The following RBBP5 variants were observed in gnomAD, a reference collection of about 807,000 sequenced individuals.
The protein encoded by RBBP5 is RB binding protein 5, histone lysine methyltransferase complex subunit, also known as retinoblastoma-binding protein 5.
A neutral mutation model predicts 72.2 loss-of-function variants in RBBP5; 5 were observed. That is an observed-to-expected ratio of 0.07 (90% CI 0.04 to 0.15). RBBP5 has a LOEUF of 0.15. Among genes scored for constraint, RBBP5 ranks in the 10% least tolerant of loss-of-function variants. The pLI, the probability that RBBP5 is intolerant of heterozygous loss-of-function variation, is 1.00. For synonymous variants in RBBP5, 209 were observed against 237.2 expected (o/e 0.88, Z 1.09); for missense variants, 322 against 652.2 (o/e 0.49, Z 5.51).
chr1:205,113,146 C>T (rs944269130), intron 3 of RBBP5, among the ~76,000 whole-genome samples: 3 of 152,148 alleles, frequency 2.0e-5, no homozygotes, highest in African/African-American at 4.8e-5. Context: ...AAAATCTATA[C>T]GTACAAAGTA....
At chr1:205,115,027 G>A in intron 2 of RBBP5, 66 bp from the exon 3 acceptor site, 1 of 1,386,494 alleles carries the variant, frequency 7.2e-7, no homozygotes, top group Non-Finnish European at 9.9e-7. Flanking sequence ...ATTTCCTAAA[G>A]GTTCTTTATC....
intron 10 of RBBP5, 76 bp downstream of exon 10, chr1:205,098,913 C>A: frequency 4.6e-5 from 36 of 775,984 alleles, no homozygotes; most frequent in East Asian, 1.2e-4. Flanking sequence ...AATAAATTTA[C>A]AACACAAATG....
intron 13 of RBBP5, chr1:205,091,493 G>A (rs557387597): frequency 6.6e-6 from 1 of 152,276 alleles, no homozygotes; most frequent in East Asian, 1.9e-4. Flanking sequence ...AGCCAACACT[G>A]ACAAGCTGTT....
chr1:205,108,790 C>T (rs895247579), intron 3 of RBBP5, among the ~76,000 whole-genome samples: 12 of 152,076 alleles, frequency 7.9e-5, no homozygotes, highest in Admixed American at 6.6e-5. Context: ...GATCTTAGCA[C>T]GTTACTTAAG....
intron 13 of RBBP5, among the ~76,000 whole-genome samples, chr1:205,089,029 C>G (rs1655235234): frequency 1.3e-5 from 2 of 152,142 alleles, no homozygotes; most frequent in Admixed American, 6.6e-5. Flanking sequence ...CCAATACTTT[C>G]CTCAGTACTG....
At chr1:205,115,054 T>C (rs770145579) in intron 2 of RBBP5, 93 bp from the exon 3 acceptor site, 3 of 1,191,548 alleles carry the variant, frequency 2.5e-6, no homozygotes, top group Non-Finnish European at 3.6e-6. Context: ...GATACTTTTA[T>C]TGAATATAAA....
At chr1:205,096,548 A>G (rs546389634) in intron 12 of RBBP5, 134 bp downstream of exon 12, 1 of 767,536 alleles carries the variant, frequency 1.3e-6, no homozygotes, top group South Asian at 1.8e-5. Flanking sequence ...ATAAAGTTGT[A>G]AAACACTATA....
chr1:205,104,964 T>C, intron 4 of RBBP5, 64 bp downstream of exon 4: 14 of 1,535,560 alleles, frequency 9.1e-6, no homozygotes, highest in Non-Finnish European at 1.2e-5. Context: ...AAAATTATCA[T>C]GAGCCCAGAG....
intron 6 of RBBP5, among the ~76,000 whole-genome samples, chr1:205,100,548 T>C (rs987117089): frequency 1.3e-5 from 2 of 152,226 alleles, no homozygotes; most frequent in Non-Finnish European, 2.9e-5. Context: ...TTCCCAAGTT[T>C]ACAGTGAAAT....
intron 1 of RBBP5, among the ~76,000 whole-genome samples, chr1:205,117,848 CTT>C (rs1656586635): frequency 6.6e-6 from 1 of 151,868 alleles, no homozygotes; most frequent in Non-Finnish European, 1.5e-5. Flanking sequence ...AGAGTTCGCT[CTT>C]GTCTCCCAAG....
At chr1:205,106,210 T>A (rs1489123426) in intron 3 of RBBP5, among the ~76,000 whole-genome samples, 4 of 152,172 alleles carry the variant, frequency 2.6e-5, no homozygotes, top group Non-Finnish European at 5.9e-5. Context: ...AGAAGAAACC[T>A]GGACTTTCAC....
At chr1:205,120,653 G>A (rs756650760) in intron 1 of RBBP5, among the ~76,000 whole-genome samples, 12 of 152,014 alleles carry the variant, frequency 7.9e-5, no homozygotes, top group Admixed American at 2.0e-4. Context: ...ATGGCAGTGC[G>A]CACCTGTAGT....
chr1:205,100,402 T>C (rs1655773154), intron 6 of RBBP5, 131 bp from the exon 7 acceptor site: 1 of 1,168,852 alleles, frequency 8.6e-7, no homozygotes, highest in Non-Finnish European at 1.2e-6. Flanking sequence ...TATATCTACT[T>C]GTCATCTCCC....
chr1:205,114,998 A>C, intron 2 of RBBP5, 37 bp from the exon 3 acceptor site: 1 of 1,505,690 alleles, frequency 6.6e-7, no homozygotes, highest in African/African-American at 1.4e-5. Flanking sequence ...AGAGGCAACA[A>C]TAGCCAGGTA....
chr1:205,090,019 T>C (rs1430620725), intron 13 of RBBP5, among the ~76,000 whole-genome samples: 3 of 152,072 alleles, frequency 2.0e-5, no homozygotes, highest in Admixed American at 2.0e-4. Flanking sequence ...GCCTGGCTAA[T>C]TGTTTTGTAT....
intron 3 of RBBP5, among the ~76,000 whole-genome samples, chr1:205,111,013 G>A (rs1433979840): frequency 6.6e-6 from 1 of 152,136 alleles, no homozygotes; most frequent in Non-Finnish European, 1.5e-5. Flanking sequence ...GCAGTGAGCC[G>A]AGATCGTGCC....
At chr1:205,105,535 C>CA (rs900476173) in intron 3 of RBBP5, among the ~76,000 whole-genome samples, 4 of 151,588 alleles carry the variant, frequency 2.6e-5, no homozygotes, top group Non-Finnish European at 5.9e-5. Flanking sequence ...ATAAACAAAA[C>CA]AAAAAAATGA....
chr1:205,108,488 C>T (rs1201663872), intron 3 of RBBP5, among the ~76,000 whole-genome samples: 1 of 152,076 alleles, frequency 6.6e-6, no homozygotes, highest in Non-Finnish European at 1.5e-5. Flanking sequence ...TGATGTAAAA[C>T]CTAGTAACCA....
intron 1 of RBBP5, among the ~76,000 whole-genome samples, chr1:205,120,067 A>C (rs1656677184): frequency 6.6e-6 from 1 of 151,842 alleles, no homozygotes; most frequent in Non-Finnish European, 1.5e-5. Flanking sequence ...TGCTCTCACC[A>C]TTTTTCACGT....
Sources: gnomAD v4.1 joint callset for allele counts (sites outside exome capture counted in the v4.1 genomes callset) on GRCh38, gnomAD v4.1.1 for gene constraint, MANE v1.5 for transcripts, NCBI Gene and HGNC (gene_info 2026-07-23, HGNC 2026-07-21) for gene names.